Variants in PARD3 observed in about 807,000 individuals in gnomAD.
PARD3 encodes par-3 family cell polarity regulator, also known as partitioning defective 3 homolog.
In PARD3, 75 loss-of-function variants were observed where a neutral mutation model predicts 155.4. The observed-to-expected ratio is 0.48, with a 90% CI of 0.40 to 0.58. The LOEUF (loss-of-function observed/expected upper bound fraction) is 0.58, where lower values mean the gene tolerates loss of function less well. PARD3 is among the 20% of genes least tolerant of loss of function. The probability of loss-of-function intolerance (pLI) is 0.00; values close to 1 mark genes in which losing one functional copy is unlikely to be tolerated. For missense variants in PARD3, 1,642 were observed against 1,721.7 expected, an observed-to-expected ratio of 0.95 and a Z score of 0.82; for synonymous variants, 576 against 610.5, an observed-to-expected ratio of 0.94 and a Z score of 0.83.
intron 2 of PARD3, among the ~76,000 whole-genome samples, chr10:34,546,053 A>G (rs2084019508): frequency 6.6e-6 from 1 of 152,238 alleles, no homozygotes; most frequent in Admixed American, 6.5e-5. Context: ...ACGTAAAAGT[A>G]TACTTATAAT....
chr10:34,521,364 CAA>C (rs35030184), intron 2 of PARD3, among the ~76,000 whole-genome samples: 1,462 of 90,448 alleles, frequency 0.016, 27 homozygotes, highest in African/African-American at 0.048. Context: ...AGTAACACAG[CAA>C]AAAAAAAAAA....
At chr10:34,191,766 A>G (rs571548858) in intron 22 of PARD3, among the ~76,000 whole-genome samples, 2 of 152,178 alleles carry the variant, frequency 1.3e-5, no homozygotes, top group African/African-American at 4.8e-5. Context: ...CCAACTCCCC[A>G]GTGAAGAACA....
At chr10:34,538,631 G>GA (rs138398975) in intron 2 of PARD3, among the ~76,000 whole-genome samples, 278 of 152,298 alleles carry the variant, frequency 1.8e-3, no homozygotes, top group African/African-American at 6.4e-3. Context: ...CCGAGGGAGT[G>GA]AAAAGAAAAA....
In PARD3 at chr10:34,442,781, C is replaced by T. The variant is rs533375250; in HGVS notation, c.714+7536G>A. ...AGCTGCTCAGAAGGCTAAAGCAGGA[C>T]GATTGCTTGAGCACAGAAGTTTGAA... On this transcript the variant is annotated intron_variant, in intron 5 of 24. Coordinates refer to ENST00000374788, the MANE Select transcript of PARD3 (RefSeq NM_001184785.2). Among the ~76,000 whole-genome samples, 6 of 152,216 alleles carry T rather than the reference C, an allele frequency of 3.9e-5. No individual in the cohort carries two copies. In the East Asian group the frequency reaches 5.8e-4, roughly 15 times the overall value.
chr10:34,183,413 C>T (rs1057426800), intron 22 of PARD3, among the ~76,000 whole-genome samples: 4 of 152,112 alleles, frequency 2.6e-5, no homozygotes, highest in African/African-American at 7.2e-5. Flanking sequence ...AAGGGTTTTT[C>T]GTTTAATAAA....
At chr10:34,335,172 A>C (rs1465655662) in intron 18 of PARD3, among the ~76,000 whole-genome samples, 2 of 152,010 alleles carry the variant, frequency 1.3e-5, no homozygotes, top group African/African-American at 4.8e-5. Flanking sequence ...GTAAGGGATA[A>C]GGCTACGGTT....
At chr10:34,600,452 A>T (rs2089666054) in intron 2 of PARD3, among the ~76,000 whole-genome samples, 1 of 151,812 alleles carries the variant, frequency 6.6e-6, no homozygotes, top group African/African-American at 2.4e-5. Flanking sequence ...TCTGAAATGA[A>T]AAAAAAAATC....
At chr10:34,190,310 A>G (rs1950650630) in intron 22 of PARD3, among the ~76,000 whole-genome samples, 2 of 152,200 alleles carry the variant, frequency 1.3e-5, no homozygotes, top group Non-Finnish European at 1.5e-5. Flanking sequence ...TTCCCTTCAT[A>G]AGCCAGACAC....
chr10:34,496,904 A>G (rs199759596), intron 3 of PARD3, among the ~76,000 whole-genome samples: 78,446 of 152,120 alleles, frequency 0.52, 23,815 homozygotes, highest in African/African-American at 0.86. Flanking sequence ...ATAGTATACT[A>G]TTTTTAAAAT....
chr10:34,438,981 T>C (rs2076325942), intron 5 of PARD3, among the ~76,000 whole-genome samples: 1 of 152,132 alleles, frequency 6.6e-6, no homozygotes, highest in South Asian at 2.1e-4. Context: ...TGAGTCTATC[T>C]GCTGATAGGA....
At chr10:34,647,960 T>C (rs1452653682) in intron 2 of PARD3, among the ~76,000 whole-genome samples, 1 of 152,232 alleles carries the variant, frequency 6.6e-6, no homozygotes, top group Admixed American at 6.5e-5. Flanking sequence ...GTGAGACCCC[T>C]GACATTTCAT....
At chr10:34,599,691 G>T (rs2089600228) in intron 2 of PARD3, among the ~76,000 whole-genome samples, 1 of 152,146 alleles carries the variant, frequency 6.6e-6, no homozygotes, top group Non-Finnish European at 1.5e-5. Flanking sequence ...ATGACCTTAT[G>T]TGGGCTTACT....
chr10:34,434,594 G>C (rs553509794), intron 5 of PARD3, among the ~76,000 whole-genome samples: 1 of 152,302 alleles, frequency 6.6e-6, no homozygotes, highest in South Asian at 2.1e-4. Context: ...CCACACATCA[G>C]TCTAGCCACA....
At chr10:34,349,580 T>TAAAAAAAAAAAAAAAAAAAAAAAA in intron 14 of PARD3, among the ~76,000 whole-genome samples, 4 of 44,710 alleles carry the variant, frequency 8.9e-5, no homozygotes, top group African/African-American at 3.4e-4. Flanking sequence ...TCTGGGAAAG[T>TAAAAAAAAAAAAAAAAAAAAAAAA]AAAAAAAAAA....
At chr10:34,504,036 T>A (rs532297666) in intron 3 of PARD3, among the ~76,000 whole-genome samples, 7 of 152,296 alleles carry the variant, frequency 4.6e-5, no homozygotes, top group Middle Eastern at 6.8e-3. Context: ...CGAGCTTTAC[T>A]CTGGGAAAGT....
intron 1 of PARD3, among the ~76,000 whole-genome samples, chr10:34,717,940 G>C (rs924205209): frequency 7.9e-5 from 12 of 151,816 alleles, no homozygotes; most frequent in Non-Finnish European, 1.5e-5. Flanking sequence ...GACTGTCTGA[G>C]CTCAGGAGTT....
At chr10:34,509,390 C>T (rs1180588920) in intron 3 of PARD3, among the ~76,000 whole-genome samples, 3 of 152,166 alleles carry the variant, frequency 2.0e-5, no homozygotes, top group Non-Finnish European at 4.4e-5. Context: ...ATCCAATTCT[C>T]CATGGTCAAC....
At chr10:34,693,141 G>A (rs1427984736) in intron 2 of PARD3, among the ~76,000 whole-genome samples, 1 of 152,124 alleles carries the variant, frequency 6.6e-6, no homozygotes, top group Non-Finnish European at 1.5e-5. Context: ...ATGTTTATAC[G>A]CTGCTGGTGG....
chr10:34,616,673 C>T (rs1249721287), intron 2 of PARD3, among the ~76,000 whole-genome samples: 2 of 152,150 alleles, frequency 1.3e-5, no homozygotes, highest in Non-Finnish European at 1.5e-5. Context: ...TGTGGTGGCT[C>T]ATGCCTGTAA....
Sources: allele counts gnomAD v4.1 joint callset (sites outside exome capture counted in the v4.1 genomes callset), GRCh38; gene constraint gnomAD v4.1.1; transcripts MANE v1.5; gene names NCBI Gene and HGNC (gene_info 2026-07-23, HGNC 2026-07-21).